The following ITGB3 variants were observed in gnomAD, a reference collection of about 807,000 sequenced individuals.
ITGB3 encodes the protein integrin beta-3.
A neutral mutation model predicts 85.8 loss-of-function variants in ITGB3; 48 were observed. The ratio of observed to expected loss-of-function variants is 0.56; its 90% CI spans 0.44 to 0.71. The LOEUF is 0.71. ITGB3 is among the 30% of genes least tolerant of loss of function. The pLI, the probability that ITGB3 is intolerant of heterozygous loss-of-function variation, is 0.00. For synonymous variants in ITGB3, 363 were observed against 395.6 expected, an observed-to-expected ratio of 0.92 and a Z score of 0.98; for missense variants, 861 against 1,019.1, an observed-to-expected ratio of 0.84 and a Z score of 2.11.
chr17:47,288,220 G>C (rs1356053218), intron 6 of ITGB3, among the ~76,000 whole-genome samples: 1 of 135,222 alleles, frequency 7.4e-6, no homozygotes, highest in African/African-American at 2.7e-5. Flanking sequence ...GAGAGAGAGA[G>C]AGAGAGAGAG....
chr17:47,278,838 C>G (rs945570323), intron 2 of ITGB3, among the ~76,000 whole-genome samples: 2 of 152,172 alleles, frequency 1.3e-5, no homozygotes, highest in Non-Finnish European at 2.9e-5. Flanking sequence ...TTATGAGGAT[C>G]AAACTAATGC....
rs189105667 is a variant in ITGB3, at chr17:47,306,395, A to C, written c.2135-1076A>C. On this transcript the variant is annotated intron_variant, in intron 13 of 14. Transcript: ENST00000559488. ...GCTCAAACGATCCTCCCACCTCAGCATCCTGAGTAGCTGGGACTACAGGCA... is the reference window on the plus strand; with the variant it reads ...GCTCAAACGATCCTCCCACCTCAGCCTCCTGAGTAGCTGGGACTACAGGCA... 4.5e-4 allele frequency among the ~76,000 whole-genome samples: 68 copies of C among 152,240 alleles called. No individual in the cohort carries two copies. The East Asian group carries it at 0.011, about 25-fold the overall frequency.
At chr17:47,275,242 G>A (rs2065059193) in intron 2 of ITGB3, among the ~76,000 whole-genome samples, 1 of 152,106 alleles carries the variant, frequency 6.6e-6, no homozygotes, top group African/African-American at 2.4e-5. Flanking sequence ...AAAGGAGCTG[G>A]GCCCACTTGG....
Position 47,299,017 on chromosome 17 carries a change from A to G in ITGB3, c.1691-291A>G, listed in dbSNP as rs1299749453. ...CTTTCTCTTGCCTTTCTCAGAAGGC[A>G]GAGGTATTCAGAAAAGGGCAAGAGA... is the stretch of plus-strand genomic sequence containing the variant. On this transcript the variant is annotated intron_variant, in intron 10 of 14. Coordinates refer to ENST00000559488, the MANE Select transcript of ITGB3 (RefSeq NM_000212.3). The surrounding 1 kb of genome is among the most constrained non-coding windows in gnomAD (Gnocchi z 5.1). 6.6e-6 allele frequency among the ~76,000 whole-genome samples: 1 copy of G among 152,222 alleles called. No homozygotes were observed. Among genetic ancestry groups the G allele is most frequent in the Non-Finnish European group, 1.5e-5 (1 of 68,038 alleles).
At chr17:47,266,110 G>A (rs183757886) in intron 1 of ITGB3, among the ~76,000 whole-genome samples, 366 of 152,180 alleles carry the variant, frequency 2.4e-3, no homozygotes, top group Non-Finnish European at 3.2e-3. Flanking sequence ...GAGTCACATG[G>A]CCAGGTGACT....
chr17:47,286,555 G>A, intron 5 of ITGB3, 133 bp downstream of exon 5: 1 of 1,094,344 alleles, frequency 9.1e-7, no homozygotes, highest in Non-Finnish European at 1.4e-6. Flanking sequence ...GTTATGAGTA[G>A]TAAGTTGCTC....
intron 13 of ITGB3, among the ~76,000 whole-genome samples, chr17:47,307,165 T>C (rs746586204): frequency 6.6e-6 from 1 of 151,952 alleles, no homozygotes; most frequent in Non-Finnish European, 1.5e-5. Context: ...CACCCTCAAG[T>C]AGGTCCCAGT....
At chr17:47,258,692 C>T (rs543408901) in intron 1 of ITGB3, among the ~76,000 whole-genome samples, 1 of 152,292 alleles carries the variant, frequency 6.6e-6, no homozygotes, top group East Asian at 1.9e-4. Flanking sequence ...ATCTGCCCAC[C>T]TCGGCCTCCC....
intron 4 of ITGB3, among the ~76,000 whole-genome samples, chr17:47,285,503 G>A (rs1315440828): frequency 1.3e-5 from 2 of 152,190 alleles, no homozygotes; most frequent in East Asian, 1.9e-4. Context: ...CAGTCCCCAG[G>A]ACTACAGGGA....
rs398122372 is a variant in ITGB3 at position 47,307,581 on chromosome 17, G to A, written c.2245G>A (p.Asp749Asn). 3.7e-6 allele frequency: 6 copies of A among 1,614,050 alleles called. No individual in the cohort carries two copies. The highest frequency in any genetic ancestry group is 5.1e-6 in the Non-Finnish European group (6 of 1,180,034). ...CTGGAAACTCCTCATCACCATCCAC[G>A]ACCGAAAAGAATTCGCTAAATTTGA... is the stretch of plus-strand genomic sequence containing the variant. ...LIWKLLITIH[D>N]RKEFAKFEEE... Residue 749 changes from aspartate to asparagine, a missense_variant, in exon 14 of 15, where the codon GAC becomes AAC. By Grantham distance (23) the Asp-to-Asn change is conservative. Transcript: ENST00000559488.
chr17:47,290,961 G>T lies in ITGB3; in HGVS notation c.1133G>T (p.Arg378Leu). 1.2e-6 allele frequency: 2 copies of T among 1,614,052 alleles called. No homozygotes were observed. The highest frequency in any genetic ancestry group is 1.7e-6 in the Non-Finnish European group (2 of 1,180,002). ...QLIVDAYGKI[R>L]SKVELEVRDL... ...GTGCCCCTTTCTGCTCAGAAAATCC[G>T]TTCTAAAGTAGAGCTGGAAGTGCGT... The change falls in exon 9 of 15, where the codon CGT (arginine) becomes CTT (leucine). Residue 378 changes from arginine (R) to leucine (L), a missense_variant. Arg to Leu is a moderately radical substitution (Grantham distance 102, BLOSUM62 -2). Coordinates refer to ENST00000559488, the MANE Select transcript of ITGB3 (RefSeq NM_000212.3).
In ITGB3 at chr17:47,286,356, T is replaced by C; in HGVS notation, c.711T>C (p.Ser237=). 6.2e-7 allele frequency: 1 copy of C among 1,613,934 alleles called. No individual in the cohort carries two copies. Among genetic ancestry groups the C allele is most frequent in the Non-Finnish European group, 8.5e-7 (1 of 1,179,990 alleles). ...TRFNEEVKKQ[S]VSRNRDAPEG... Reference sequence around the variant, plus strand: ...TCAATGAGGAAGTGAAGAAGCAGAGTGTGTCACGGAACCGAGATGCCCCAG... The same window carrying C: ...TCAATGAGGAAGTGAAGAAGCAGAGCGTGTCACGGAACCGAGATGCCCCAG... Residue 237 remains serine (S), a synonymous_variant, in exon 5 of 15, where the codon AGT becomes AGC. Transcript: ENST00000559488.
At chr17:47,265,751 T>C (rs180890127) in intron 1 of ITGB3, among the ~76,000 whole-genome samples, 27 of 152,336 alleles carry the variant, frequency 1.8e-4, no homozygotes, top group Non-Finnish European at 1.5e-4. Context: ...TATACACAAA[T>C]GTTTTCCAAT....
intron 1 of ITGB3, among the ~76,000 whole-genome samples, chr17:47,273,790 A>T (rs116795776): frequency 3.3e-3 from 504 of 152,350 alleles, no homozygotes; most frequent in African/African-American, 0.012. Context: ...CTTTTAGTGT[A>T]TATCAGTCAG....
intron 6 of ITGB3, 114 bp downstream of exon 6, chr17:47,287,345 A>G (rs1169567149): frequency 9.7e-6 from 12 of 1,240,496 alleles, no homozygotes; most frequent in Non-Finnish European, 1.4e-5. Context: ...GGCAGGGTGC[A>G]GGGCTCGGTT....
intron 1 of ITGB3, among the ~76,000 whole-genome samples, chr17:47,255,994 A>AATAAATAC (rs1200363965): frequency 6.6e-6 from 1 of 151,814 alleles, no homozygotes; most frequent in Admixed American, 6.6e-5. Flanking sequence ...TAAATAAATA[A>AATAAATAC]ATACATAATT....
intron 1 of ITGB3, among the ~76,000 whole-genome samples, chr17:47,264,762 C>T (rs1245004320): frequency 6.6e-6 from 1 of 152,168 alleles, no homozygotes; most frequent in African/African-American, 2.4e-5. Context: ...TGCCTTGGAT[C>T]GTCCCAGGAT....
At chr17:47,264,230 C>A (rs1357730556) in intron 1 of ITGB3, among the ~76,000 whole-genome samples, 1 of 152,172 alleles carries the variant, frequency 6.6e-6, no homozygotes, top group Non-Finnish European at 1.5e-5. Flanking sequence ...GACCTCTAGT[C>A]AGCAAATGGC....
rs2065159769 is a variant in ITGB3, at chr17:47,299,908, C to A, written c.1913+378C>A. 6.8e-6 allele frequency among the ~76,000 whole-genome samples: 1 copy of A among 146,992 alleles called. No individual in the cohort carries two copies. Among genetic ancestry groups the A allele is most frequent in the African/African-American group, 2.7e-5 (1 of 36,498 alleles). ...CTCTGTGAAACTACTACAAACCTCC[C>A]ACTTTAGGGGCCAGAGGAAGCCCCA... On this transcript the variant is annotated intron_variant, in intron 11 of 14. Coordinates refer to ENST00000559488, the MANE Select transcript of ITGB3 (RefSeq NM_000212.3). This position sits in a 1 kb window ranked among gnomAD's most constrained non-coding sequence, Gnocchi z 5.1.
Sources: gnomAD v4.1 joint callset for allele counts (sites outside exome capture counted in the v4.1 genomes callset) on GRCh38, gnomAD v4.1.1 for gene constraint, Gnocchi (gnomAD v3.1) non-coding constraint, MANE v1.5 for transcripts, NCBI Gene and HGNC (gene_info 2026-07-23, HGNC 2026-07-21) for gene names.